EIF4EBP1: variants seen among roughly 807,000 people sequenced by gnomAD.
EIF4EBP1 encodes eukaryotic translation initiation factor 4E binding protein 1.
A neutral mutation model predicts 9.2 loss-of-function variants in EIF4EBP1; 5 were observed. The observed-to-expected ratio is 0.54, with a 90% CI of 0.28 to 1.14. The LOEUF (loss-of-function observed/expected upper bound fraction) is 1.14, where lower values mean the gene tolerates loss of function less well. Ranked by LOEUF, EIF4EBP1 falls within the 50% of genes most tolerant of loss-of-function variation. The probability of loss-of-function intolerance (pLI) is 0.09; values close to 1 mark genes in which losing one functional copy is unlikely to be tolerated. For missense variants in EIF4EBP1, 139 were observed against 169.6 expected, an observed-to-expected ratio of 0.82 and a Z score of 1.00; for synonymous variants, 62 against 67.0, an observed-to-expected ratio of 0.93 and a Z score of 0.36.
At chr8:38,043,597 C>T (rs1809412411) in intron 1 of EIF4EBP1, among the ~76,000 whole-genome samples, 1 of 151,972 alleles carries the variant, frequency 6.6e-6, no homozygotes, top group Admixed American at 6.6e-5. Context: ...CCACCTGCCT[C>T]GGCCTCCCAA....
chr8:38,043,424 G>A (rs1172982110), intron 1 of EIF4EBP1, among the ~76,000 whole-genome samples: 4 of 149,660 alleles, frequency 2.7e-5, no homozygotes, highest in Admixed American at 2.7e-4. Flanking sequence ...GAGTGCAGTG[G>A]TGCGATCTTG....
rs1809613166 is a variant in EIF4EBP1 at position 38,057,334 on chromosome 8, G to A, written c.325+74G>A. The A allele has an allele frequency of 6.7e-6, 10 of 1,501,114 alleles. No homozygotes were observed. The South Asian group carries it at 1.3e-4, about 20-fold the overall frequency. The allele number at this position is 1,501,114 out of a possible 1,614,324, so 93.0% of individuals were successfully genotyped here. A position where few individuals can be genotyped will look rare whatever the true frequency, so the allele number is the denominator to read the frequency against. ...GAGGCTCCTGGAGTCCATCCACTGG[G>A]GGCAATTCCAGGGAGGAGGAACAAC... is the stretch of plus-strand genomic sequence containing the variant. On this transcript the variant is annotated intron_variant, in intron 2 of 2. Transcript: ENST00000338825.
intron 2 of EIF4EBP1, among the ~76,000 whole-genome samples, chr8:38,059,567 C>G (rs1397892424): frequency 6.6e-6 from 1 of 152,070 alleles, no homozygotes; most frequent in Non-Finnish European, 1.5e-5. Flanking sequence ...GCCTGGCCAA[C>G]ATGGCAAAAC....
intron 1 of EIF4EBP1, among the ~76,000 whole-genome samples, chr8:38,040,864 G>T (rs529345141): frequency 5.5e-4 from 82 of 149,222 alleles, no homozygotes; most frequent in African/African-American, 2.0e-3. Context: ...GGAAATACAT[G>T]CCTGTTGTTG....
intron 1 of EIF4EBP1, among the ~76,000 whole-genome samples, chr8:38,052,883 C>G (rs9657566): frequency 0.043 from 6,543 of 152,262 alleles, 424 homozygotes; most frequent in African/African-American, 0.14. Context: ...CTGCTGTTTA[C>G]TCCTCACAGA....
At chr8:38,033,769 T>C (rs7819149) in intron 1 of EIF4EBP1, among the ~76,000 whole-genome samples, 3,049 of 120,542 alleles carry the variant, frequency 0.025, 124 homozygotes, top group African/African-American at 0.091. Flanking sequence ...TTTTTTGAGA[T>C]GGAGTTTCGC....
Position 38,059,962 on chromosome 8 carries a change from C to G in EIF4EBP1, c.*27C>G. On this transcript the variant is annotated 3_prime_UTR_variant, in exon 3 of 3. Transcript: ENST00000338825. ...GCACCAGCCATCGTGTGGAGCACTA[C>G]CAAGGGGCCCCTCAGGGCCTTCCTG... 6.2e-7 allele frequency: 1 copy of G among 1,612,742 alleles called. No homozygotes were observed. Among genetic ancestry groups the G allele is most frequent in the Non-Finnish European group, 8.5e-7 (1 of 1,178,726 alleles).
At chr8:38,036,734 A>G (rs1809307886) in intron 1 of EIF4EBP1, among the ~76,000 whole-genome samples, 1 of 151,500 alleles carries the variant, frequency 6.6e-6, no homozygotes, top group Admixed American at 6.6e-5. Flanking sequence ...TTGCAGCCTC[A>G]ACCTCCTGGG....
chr8:38,034,927 C>T (rs981948498), intron 1 of EIF4EBP1, among the ~76,000 whole-genome samples: 1 of 152,054 alleles, frequency 6.6e-6, no homozygotes, highest in African/African-American at 2.4e-5. Context: ...AAACGATGGA[C>T]CCTCTTCTCA....
At chr8:38,042,891 C>T (rs887536045) in intron 1 of EIF4EBP1, among the ~76,000 whole-genome samples, 1 of 152,166 alleles carries the variant, frequency 6.6e-6, no homozygotes, top group Non-Finnish European at 1.5e-5. Context: ...TGGCAAAACT[C>T]TGTCTCTACT....
intron 1 of EIF4EBP1, among the ~76,000 whole-genome samples, chr8:38,044,644 T>A (rs1809427902): frequency 6.6e-6 from 1 of 152,330 alleles, no homozygotes; most frequent in African/African-American, 2.4e-5. Flanking sequence ...CTCACTGTGT[T>A]GCCCAGGCTG....
intron 1 of EIF4EBP1, among the ~76,000 whole-genome samples, chr8:38,038,588 C>T (rs998480569): frequency 1.1e-4 from 16 of 151,154 alleles, no homozygotes; most frequent in Non-Finnish European, 3.0e-5. Flanking sequence ...CTGCAACCTC[C>T]GCCTCTCAGG....
At chr8:38,036,657 A>T (rs1410684845) in intron 1 of EIF4EBP1, among the ~76,000 whole-genome samples, 1 of 149,454 alleles carries the variant, frequency 6.7e-6, no homozygotes, top group African/African-American at 2.6e-5. Flanking sequence ...AGGCACAGCA[A>T]TATTGTTTCT....
rs28624549 is a variant in EIF4EBP1, at chr8:38,060,121, C to T, written c.*186C>T. 113 of 645,798 alleles carry T rather than the reference C, an allele frequency of 1.7e-4. No individual in the cohort carries two copies. The African/African-American group carries it at 1.8e-3, about 10-fold the overall frequency. 40.0% of individuals were successfully genotyped at this position (645,798 alleles called of 1,614,324 possible). ...CCTCTTCGTGAACACCAGCAGATAC[C>T]TCCTTGTGCCTCCACTGATGCAGGA... is the stretch of plus-strand genomic sequence containing the variant. On this transcript the variant is annotated 3_prime_UTR_variant, in exon 3 of 3. Transcript: ENST00000338825.
At chr8:38,034,303 C>T (rs1402838989) in intron 1 of EIF4EBP1, among the ~76,000 whole-genome samples, 1 of 152,138 alleles carries the variant, frequency 6.6e-6, no homozygotes, top group African/African-American at 2.4e-5. Context: ...CCACCTCAGC[C>T]TCCCAAACTG....
intron 1 of EIF4EBP1, among the ~76,000 whole-genome samples, chr8:38,045,980 A>T (rs762395334): frequency 6.6e-6 from 1 of 151,544 alleles, no homozygotes; most frequent in Non-Finnish European, 1.5e-5. Context: ...ATTTTGGCTC[A>T]CTGCAACCTC....
At chr8:38,048,567 T>C (rs1054816729) in intron 1 of EIF4EBP1, among the ~76,000 whole-genome samples, 1 of 152,180 alleles carries the variant, frequency 6.6e-6, no homozygotes, top group African/African-American at 2.4e-5. Context: ...AAGACAAGAT[T>C]TGGAGTAACA....
At chr8:38,037,776 T>C (rs1417505886) in intron 1 of EIF4EBP1, among the ~76,000 whole-genome samples, 1 of 148,794 alleles carries the variant, frequency 6.7e-6, no homozygotes, top group Non-Finnish European at 1.5e-5. Context: ...TTGTCTGTTT[T>C]TTGTTTGTTT....
At chr8:38,050,085 T>C (rs1585528905) in intron 1 of EIF4EBP1, among the ~76,000 whole-genome samples, 1 of 152,104 alleles carries the variant, frequency 6.6e-6, no homozygotes, top group African/African-American at 2.4e-5. Context: ...TAATGTTTTG[T>C]ATTTTTAGTA....
Sources: gnomAD v4.1 joint callset for allele counts (sites outside exome capture counted in the v4.1 genomes callset) on GRCh38, gnomAD v4.1.1 for gene constraint, MANE v1.5 for transcripts, NCBI Gene and HGNC (gene_info 2026-07-23, HGNC 2026-07-21) for gene names.